The following FER variants were observed in gnomAD, a reference collection of about 807,000 sequenced individuals.
FER encodes the protein FER tyrosine kinase, also known as tyrosine-protein kinase Fer.
Under a neutral mutation model 111.0 loss-of-function variants are expected in FER, and 63 were observed. That is an observed-to-expected ratio of 0.57 (90% CI 0.46 to 0.70). The LOEUF is 0.70. FER is among the 30% of genes least tolerant of loss of function. The pLI is 0.00. For missense variants in FER, 914 were observed against 954.0 expected, an observed-to-expected ratio of 0.96 and a Z score of 0.55; for synonymous variants, 327 against 313.9, an observed-to-expected ratio of 1.04 and a Z score of -0.44.
intron 13 of FER, among the ~76,000 whole-genome samples, chr5:108,997,435 A>T (rs1764143041): frequency 6.8e-6 from 1 of 148,020 alleles, no homozygotes. Flanking sequence ...AAAAAAAAAG[A>T]GATTTTGGGC....
chr5:108,996,841 A>G (rs983963650), intron 13 of FER, among the ~76,000 whole-genome samples: 5 of 152,170 alleles, frequency 3.3e-5, no homozygotes, highest in Admixed American at 6.5e-5. Flanking sequence ...TAATCTATAC[A>G]TTACTTTGGG....
intron 3 of FER, among the ~76,000 whole-genome samples, chr5:108,802,600 C>T (rs115515954): frequency 0.018 from 2,678 of 151,894 alleles, 33 homozygotes; most frequent in Middle Eastern, 0.051. Flanking sequence ...TAAGTGAGAA[C>T]ATGGAGTATT....
chr5:109,030,371 G>T (rs1485811650), intron 13 of FER, among the ~76,000 whole-genome samples: 1 of 152,110 alleles, frequency 6.6e-6, no homozygotes, highest in Non-Finnish European at 1.5e-5. Flanking sequence ...TATGATGGAT[G>T]ATTTTTAATT....
At chr5:109,138,662 T>G (rs1207255654) in intron 17 of FER, among the ~76,000 whole-genome samples, 1 of 152,172 alleles carries the variant, frequency 6.6e-6, no homozygotes, top group African/African-American at 2.4e-5. Context: ...TTCCTCTCAC[T>G]CTATTTTAAT....
chr5:108,823,543 C>CTTTTCA (rs920163372), intron 3 of FER, among the ~76,000 whole-genome samples: 1 of 152,106 alleles, frequency 6.6e-6, no homozygotes, highest in Non-Finnish European at 1.5e-5. Context: ...TACTGAGCAC[C>CTTTTCA]TTTTCATATA....
intron 16 of FER, among the ~76,000 whole-genome samples, chr5:109,092,931 G>T (rs989894708): frequency 5.3e-5 from 8 of 152,124 alleles, no homozygotes; most frequent in Non-Finnish European, 1.2e-4. Flanking sequence ...CAGCCTTAAA[G>T]AAGAAAATTG....
rs1747971558 is a variant in FER at position 108,891,091 on chromosome 5, C to T, written c.1047-6568C>T. ...TTCTAAAAGATGTGTAGTGATATCTCATTGTTGTTTTAATATGCATTTCCC... is the reference window on the plus strand; with the variant it reads ...TTCTAAAAGATGTGTAGTGATATCTTATTGTTGTTTTAATATGCATTTCCC... On this transcript the variant is annotated intron_variant, in intron 9 of 19. Coordinates refer to ENST00000281092, the MANE Select transcript of FER (RefSeq NM_005246.4). Among the ~76,000 whole-genome samples, 4 of 152,184 alleles carry T rather than the reference C, an allele frequency of 2.6e-5. No homozygotes were observed. The South Asian group carries it at 8.3e-4, about 32-fold the overall frequency.
At chr5:109,013,393 T>C (rs1359726026) in intron 13 of FER, among the ~76,000 whole-genome samples, 2 of 151,964 alleles carry the variant, frequency 1.3e-5, no homozygotes, top group Non-Finnish European at 2.9e-5. Flanking sequence ...TCCATGTCCC[T>C]ACAGAGGACA....
chr5:108,991,203 A>G (rs73211580), intron 13 of FER, among the ~76,000 whole-genome samples: 4 of 151,818 alleles, frequency 2.6e-5, no homozygotes, highest in Admixed American at 6.6e-5. Context: ...CTCATTTTGT[A>G]TATGTGTATA....
intron 16 of FER, among the ~76,000 whole-genome samples, chr5:109,086,937 C>T (rs1373986479): frequency 6.7e-6 from 1 of 149,572 alleles, no homozygotes; most frequent in African/African-American, 2.5e-5. Context: ...TGTGTCTTCA[C>T]ATGATCTTCC....
At chr5:108,880,666 C>G (rs1018903493) in intron 8 of FER, among the ~76,000 whole-genome samples, 37 of 152,048 alleles carry the variant, frequency 2.4e-4, no homozygotes, top group African/African-American at 8.7e-4. Context: ...ATAACTGAAG[C>G]TTGTATCTCC....
At chr5:108,758,334 G>T (rs186418095) in intron 1 of FER, among the ~76,000 whole-genome samples, 10 of 152,298 alleles carry the variant, frequency 6.6e-5, no homozygotes, top group African/African-American at 2.4e-4. Context: ...CCTAGTAATA[G>T]CTGTATGAAT....
At chr5:109,141,632 T>C (rs1217856670) in intron 17 of FER, among the ~76,000 whole-genome samples, 1 of 151,970 alleles carries the variant, frequency 6.6e-6, no homozygotes, top group Admixed American at 6.6e-5. Context: ...AGATGGAGAG[T>C]CAGTTACTTC....
At chr5:108,984,752 G>A (rs1010826563) in intron 13 of FER, among the ~76,000 whole-genome samples, 2 of 151,940 alleles carry the variant, frequency 1.3e-5, no homozygotes, top group Non-Finnish European at 2.9e-5. Flanking sequence ...AAAATCAATT[G>A]GAAAGGGAAT....
At chr5:109,110,444 C>T (rs1749469700) in intron 17 of FER, among the ~76,000 whole-genome samples, 1 of 151,932 alleles carries the variant, frequency 6.6e-6, no homozygotes, top group Non-Finnish European at 1.5e-5. Context: ...CAAGATAGAA[C>T]AGAGACAGGG....
intron 17 of FER, among the ~76,000 whole-genome samples, chr5:109,164,864 G>A (rs1440057150): frequency 2.0e-5 from 3 of 151,946 alleles, no homozygotes; most frequent in African/African-American, 4.8e-5. Context: ...GCATGTTGAC[G>A]CCATCTAAAA....
At chr5:109,073,164 A>G (rs1049764884) in intron 16 of FER, among the ~76,000 whole-genome samples, 2 of 152,150 alleles carry the variant, frequency 1.3e-5, no homozygotes, top group African/African-American at 2.4e-5. Flanking sequence ...TCAACCTGGT[A>G]CACACTGTTA....
intron 8 of FER, among the ~76,000 whole-genome samples, chr5:108,878,686 C>G (rs1388446994): frequency 6.6e-6 from 1 of 151,972 alleles, no homozygotes; most frequent in Admixed American, 6.6e-5. Context: ...AAAATCTATA[C>G]AAACTTACAA....
chr5:108,900,440 A>G (rs1309218105), intron 10 of FER, among the ~76,000 whole-genome samples: 1 of 152,252 alleles, frequency 6.6e-6, no homozygotes, highest in Non-Finnish European at 1.5e-5. Flanking sequence ...TAATGTTACA[A>G]GAAAAGCCTG....
Sources: allele counts gnomAD v4.1 joint callset (sites outside exome capture counted in the v4.1 genomes callset), GRCh38; gene constraint gnomAD v4.1.1; transcripts MANE v1.5; gene names NCBI Gene and HGNC (gene_info 2026-07-23, HGNC 2026-07-21).